USP6NL: variants seen among roughly 807,000 people sequenced by gnomAD.
USP6NL encodes the protein USP6 N-terminal-like protein.
In USP6NL, 26 loss-of-function variants were observed where a neutral mutation model predicts 61.9. The observed-to-expected ratio is 0.42, with a 90% CI of 0.31 to 0.58. The LOEUF (loss-of-function observed/expected upper bound fraction) is 0.58. USP6NL is among the 20% of genes least tolerant of loss of function. The pLI is 0.16. For synonymous variants in USP6NL, 432 were observed against 390.1 expected (o/e 1.11, Z -1.27); for missense variants, 1,114 against 1,034.3 (o/e 1.08, Z -1.06).
rs545275405 is a variant in USP6NL at position 11,483,714 on chromosome 10, G to C, written c.925+1257C>G. 1.0e-4 allele frequency among the ~76,000 whole-genome samples: 14 copies of C among 135,868 alleles called. No homozygotes were observed. The East Asian group carries it at 3.1e-3, about 30-fold the overall frequency. The allele number at this position is 135,868 out of a possible 152,430, so 89.1% of individuals were successfully genotyped here. ...GGTGGGGAGGCAAAAGGCAGTGTTG[G>C]GGGGCCGGTGCGGGGAGGAAGGAAA... On this transcript the variant is annotated intron_variant, in intron 13 of 14. Transcript: ENST00000609104.
At chr10:11,502,428 C>A (rs1424289853) in intron 6 of USP6NL, among the ~76,000 whole-genome samples, 1 of 152,130 alleles carries the variant, frequency 6.6e-6, no homozygotes, top group Non-Finnish European at 1.5e-5. Context: ...ACGGTCATCA[C>A]AATGTTGTGC....
chr10:11,549,828 G>A lies in USP6NL; in HGVS notation c.5-22261C>T, dbSNP rs74116274. Among the ~76,000 whole-genome samples, 411 of 152,268 alleles carry A rather than the reference G, an allele frequency of 2.7e-3. 6 individuals are homozygous for A. Among genetic ancestry groups the A allele is most frequent in the African/African-American group, 9.6e-3 (399 of 41,550 alleles). On this transcript the variant is annotated intron_variant, in intron 2 of 14. Transcript: ENST00000609104. ...CCAACACGTACTTCTTTATTAGTTA[G>A]AATTAGCCCTGAAAGGCAGTTCCCT...
intron 6 of USP6NL, 58 bp downstream of exon 6, chr10:11,509,537 A>G (rs2048942546): frequency 1.4e-6 from 2 of 1,401,138 alleles, no homozygotes; most frequent in Non-Finnish European, 1.9e-6. Context: ...AACTTCTACT[A>G]TGAAAATCCA....
intron 1 of USP6NL, among the ~76,000 whole-genome samples, chr10:11,607,521 C>CA (rs921693406): frequency 1.6e-4 from 25 of 151,894 alleles, no homozygotes; most frequent in African/African-American, 3.9e-4. Context: ...TCATCTCTAC[C>CA]AAAAAAATAC....
At position 11,560,184 on chromosome 10, in the gene USP6NL, A is replaced by G. The variant is rs187589648; in HGVS notation, c.5-32617T>C. Reference sequence around the variant, plus strand: ...TTGTCTTCTATAATAACAGTCACTGAGTACTTGCTCTATGCCAGATATATT... The same window carrying G: ...TTGTCTTCTATAATAACAGTCACTGGGTACTTGCTCTATGCCAGATATATT... On this transcript the variant is annotated intron_variant, in intron 2 of 14. Transcript: ENST00000609104. Among the ~76,000 whole-genome samples the G allele has an allele frequency of 1.2e-3, 178 of 152,352 alleles. 1 individual carries two copies. The highest frequency in any genetic ancestry group is 4.1e-3 in the African/African-American group (171 of 41,588).
intron 2 of USP6NL, among the ~76,000 whole-genome samples, chr10:11,557,545 T>G (rs1477212892): frequency 2.0e-5 from 3 of 152,258 alleles, no homozygotes; most frequent in Non-Finnish European, 4.4e-5. Context: ...TCTCTAGCGT[T>G]AAATCAGAGT....
rs1440468930 is a variant in USP6NL, at chr10:11,567,656, TACAA to T, written c.4+29971_4+29974del. ...GTATTCTGTTCCAGACATAAACACCTACAAACAAATTATTAGCCATCTAAGAGAT... is the reference window on the plus strand; with the variant it reads ...GTATTCTGTTCCAGACATAAACACCTACAAATTATTAGCCATCTAAGAGAT... On this transcript the variant is annotated intron_variant, in intron 2 of 14. Coordinates refer to ENST00000609104, the MANE Select transcript of USP6NL (RefSeq NM_014688.5). Among the ~76,000 whole-genome samples, 6 of 152,162 alleles carry T rather than the reference TACAA, an allele frequency of 3.9e-5. No homozygotes were observed. In the East Asian group the frequency reaches 5.8e-4, roughly 15 times the overall value.
intron 2 of USP6NL, among the ~76,000 whole-genome samples, chr10:11,554,985 T>TTTTTTTTTTTTG (rs1836627754): frequency 6.7e-6 from 1 of 148,598 alleles, no homozygotes; most frequent in African/African-American, 2.5e-5. Flanking sequence ...TTTTTTTTTT[T>TTTTTTTTTTTTG]ACTAGAGATG....
chr10:11,527,391 AGT>A, intron 3 of USP6NL, 107 bp downstream of exon 3: 1 of 906,850 alleles, frequency 1.1e-6, no homozygotes, highest in South Asian at 1.5e-5. Flanking sequence ...GTCCCCATGA[AGT>A]TAAACAAACT....
intron 2 of USP6NL, among the ~76,000 whole-genome samples, chr10:11,535,420 A>G (rs1835793166): frequency 6.6e-6 from 1 of 152,220 alleles, no homozygotes; most frequent in African/African-American, 2.4e-5. Flanking sequence ...GTTAAAGACG[A>G]AGCACCATGC....
At chr10:11,498,235 CAAAAA>C (rs11341542) in intron 7 of USP6NL, among the ~76,000 whole-genome samples, 1 of 38,802 alleles carries the variant, frequency 2.6e-5, no homozygotes, top group African/African-American at 1.4e-4. Context: ...CACTCTGTCT[CAAAAA>C]AAAAAAAAAA....
chr10:11,513,925 G>C lies in USP6NL; in HGVS notation c.196-4250C>G, dbSNP rs147853893. ...TGACACTGATGTTTTGAAAAGTCAA[G>C]GCCACACTATCTGGCTTTGTGTGAT... On this transcript the variant is annotated intron_variant, in intron 5 of 14. Coordinates refer to ENST00000609104, the MANE Select transcript of USP6NL (RefSeq NM_014688.5). The surrounding 1 kb of genome is among the most constrained non-coding windows in gnomAD (Gnocchi z 4.7). Among the ~76,000 whole-genome samples the C allele has an allele frequency of 2.0e-5, 3 of 152,244 alleles. No homozygotes were observed. Among genetic ancestry groups the C allele is most frequent in the Non-Finnish European group, 4.4e-5 (3 of 68,014 alleles).
chr10:11,525,272 G>GT lies in USP6NL; in HGVS notation c.155+113dup. On this transcript the variant is annotated intron_variant, in intron 4 of 14. Coordinates refer to ENST00000609104, the MANE Select transcript of USP6NL (RefSeq NM_014688.5). The surrounding 1 kb of genome is among the most constrained non-coding windows in gnomAD (Gnocchi z 5.0). The stretch of plus-strand genomic sequence containing the variant: ...GGAATTTAGTATCAAAACGCATATT[G>GT]TAAGACTATTCCTTATTCACAGCAA... 1 of 804,498 alleles carries GT rather than the reference G, an allele frequency of 1.2e-6. No homozygotes were observed. Among genetic ancestry groups the GT allele is most frequent in the Non-Finnish European group, 1.9e-6 (1 of 529,456 alleles). 49.8% of individuals were successfully genotyped at this position (804,498 alleles called of 1,614,324 possible). A position where few individuals can be genotyped will look rare whatever the true frequency, so the allele number is the denominator to read the frequency against.
intron 5 of USP6NL, among the ~76,000 whole-genome samples, chr10:11,515,292 A>G (rs1801804630): frequency 6.6e-6 from 1 of 152,242 alleles, no homozygotes; most frequent in Admixed American, 6.5e-5. Context: ...CACGTACACA[A>G]TGCATGGATG....
At chr10:11,581,065 A>G (rs1837748896) in intron 2 of USP6NL, among the ~76,000 whole-genome samples, 1 of 152,220 alleles carries the variant, frequency 6.6e-6, no homozygotes, top group East Asian at 1.9e-4. Flanking sequence ...TTAAAGAATT[A>G]CAAACTAATA....
chr10:11,518,562 G>T lies in USP6NL; in HGVS notation c.168C>A (p.Leu56=), dbSNP rs778603552. The T allele has an allele frequency of 3.8e-5, 62 of 1,612,528 alleles. No individual in the cohort carries two copies. Among genetic ancestry groups the T allele is most frequent in the Non-Finnish European group, 5.3e-5 (62 of 1,179,490 alleles). ...GTTCCACAGCCACATTATGATCTGG[G>T]AGCTCCTCCTCACTGCAGAGGAAAA... ...DRFGFLHEEE[L]PDHNVAVERQ... The change falls in exon 5 of 15, where the codon CTC becomes CTA. Residue 56 remains leucine (L), a synonymous_variant. Transcript: ENST00000609104. The surrounding 1 kb of genome is among the most constrained non-coding windows in gnomAD (Gnocchi z 5.3).
Position 11,518,154 on chromosome 10 carries a change from G to A in USP6NL, c.195+381C>T, listed in dbSNP as rs1835036795. 6.6e-6 allele frequency among the ~76,000 whole-genome samples: 1 copy of A among 152,166 alleles called. No individual in the cohort carries two copies. The highest frequency in any genetic ancestry group is 1.5e-5 in the Non-Finnish European group (1 of 68,032). On this transcript the variant is annotated intron_variant, in intron 5 of 14. Coordinates refer to ENST00000609104, the MANE Select transcript of USP6NL (RefSeq NM_014688.5). The surrounding 1 kb of genome is among the most constrained non-coding windows in gnomAD (Gnocchi z 5.3). The stretch of plus-strand genomic sequence containing the variant: ...TTCAAAGAACTGCTGGTCTTAGAAT[G>A]GTGCTTTATTTGCCACAGGGTACAT...
chr10:11,588,759 G>A (rs553336061), intron 2 of USP6NL, among the ~76,000 whole-genome samples: 6 of 152,252 alleles, frequency 3.9e-5, no homozygotes, highest in East Asian at 1.9e-4. Flanking sequence ...CATTGTCAGG[G>A]AAAAGAGTAA....
intron 2 of USP6NL, among the ~76,000 whole-genome samples, chr10:11,541,271 ATAT>A (rs1566168470): frequency 8.2e-6 from 1 of 122,676 alleles, no homozygotes; most frequent in Non-Finnish European, 1.7e-5. Flanking sequence ...ATATATATAT[ATAT>A]ATGTATGTCA....
Sources: allele counts gnomAD v4.1 joint callset (sites outside exome capture counted in the v4.1 genomes callset), GRCh38; gene constraint gnomAD v4.1.1; non-coding constraint Gnocchi (gnomAD v3.1); transcripts MANE v1.5; gene names NCBI Gene and HGNC (gene_info 2026-07-23, HGNC 2026-07-21).